Variants in KCTD2 observed in about 807,000 individuals in gnomAD.
KCTD2 encodes the protein potassium channel tetramerization domain containing 2.
Under a neutral mutation model 27.9 loss-of-function variants are expected in KCTD2, and 18 were observed. The observed-to-expected ratio is 0.64, with a 90% confidence interval of 0.45 to 0.96. KCTD2 has a LOEUF of 0.96. Among genes scored for constraint, KCTD2 ranks in the 40% least tolerant of loss-of-function variants. The pLI, the probability that KCTD2 is intolerant of heterozygous loss-of-function variation, is 0.00. For missense variants in KCTD2, 280 were observed against 348.0 expected (o/e 0.80, Z 1.56); for synonymous variants, 175 against 148.4 (o/e 1.18, Z -1.30).
chr17:75,052,985 A>T, intron 2 of KCTD2, 29 bp from the exon 3 acceptor site: 1 of 1,572,024 alleles, frequency 6.4e-7, no homozygotes, highest in Non-Finnish European at 8.8e-7. Flanking sequence ...CCTCGCACCT[A>T]TCTGACTGCA....
rs1278671044 is a variant in KCTD2 at position 75,032,946 on chromosome 17, T to C, written c.-470+222T>C. The stretch of plus-strand genomic sequence containing the variant: ...TGCTATTAAGGGGAGGAGACAGGTT[T>C]CTGCAGACTCTACATTTTGGAGAGA... On this transcript the variant is annotated intron_variant, in intron 1 of 7. Coordinates refer to the KCTD2 transcript ENST00000581589. This position sits in a 1 kb window ranked among gnomAD's most constrained non-coding sequence, Gnocchi z 4.8. 1 of 152,210 alleles carries C rather than the reference T, an allele frequency of 6.6e-6. No individual in the cohort carries two copies. Among genetic ancestry groups the C allele is most frequent in the Non-Finnish European group, 1.5e-5 (1 of 68,044 alleles). The allele number at this position is 152,210 out of a possible 1,614,324, so 9.4% of individuals were successfully genotyped here.
At chr17:75,043,935 C>A (rs1304761732), upstream of KCTD2, among the ~76,000 whole-genome samples, 1 of 152,026 alleles carries the variant, frequency 6.6e-6, no homozygotes, top group East Asian at 1.9e-4. Context: ...CTTAAAAGGG[C>A]TATCCCCTTC....
chr17:75,051,277 CTTTTTTTTTTTTTTTT>C (rs35794705), intron 2 of KCTD2, among the ~76,000 whole-genome samples: 4 of 64,584 alleles, frequency 6.2e-5, no homozygotes, highest in Admixed American at 4.2e-4. Context: ...CGCGCCCGAC[CTTTTTTTTTTTTTTTT>C]TTTTTTTTGG....
chr17:75,034,498 T>C (rs563486723), intron 2 of KCTD2, among the ~76,000 whole-genome samples: 6 of 152,308 alleles, frequency 3.9e-5, no homozygotes, highest in African/African-American at 1.4e-4. Context: ...ATTAGGCCAC[T>C]GGGGCGCGGT....
In KCTD2 at chr17:75,064,628, C is replaced by T. The variant is rs2073438684; in HGVS notation, c.*1581C>T. 1 of 152,094 alleles carries T rather than the reference C, an allele frequency of 6.6e-6. No individual in the cohort carries two copies. Among genetic ancestry groups the T allele is most frequent in the African/African-American group, 2.4e-5 (1 of 41,436 alleles). The allele number at this position is 152,094 out of a possible 1,614,324, so 9.4% of individuals were successfully genotyped here. ...TCTGTATCTGTAGCATAGCATAGAA[C>T]CCGGTATACAGGGGTTTCTGCTGAC... On this transcript the variant is annotated 3_prime_UTR_variant, in exon 6 of 6. Transcript: ENST00000322444.
At position 75,065,437 on chromosome 17, in the gene KCTD2, A is replaced by G. The variant is rs1388031740; in HGVS notation, c.*2390A>G. The G allele has an allele frequency of 2.0e-5, 3 of 152,130 alleles. No homozygotes were observed. The highest frequency in any genetic ancestry group is 7.2e-5 in the African/African-American group (3 of 41,388). 9.4% of individuals were successfully genotyped at this position (152,130 alleles called of 1,614,324 possible). ...GTTTGGGGCTGTCACGTGACCAGTG[A>G]CCCACACTCTCTGCTGCCCAGTACT... On this transcript the variant is annotated 3_prime_UTR_variant, in exon 6 of 6. Transcript: ENST00000322444.
intron 2 of KCTD2, among the ~76,000 whole-genome samples, chr17:75,052,448 C>T (rs2073297771): frequency 6.6e-6 from 1 of 151,970 alleles, no homozygotes; most frequent in African/African-American, 2.4e-5. Context: ...TGGCTGGGTG[C>T]GGTGGCTTTA....
upstream of KCTD2, among the ~76,000 whole-genome samples, chr17:75,044,610 G>A (rs1315845393): frequency 6.6e-6 from 1 of 152,082 alleles, no homozygotes; most frequent in East Asian, 1.9e-4. Context: ...GCAAAGTGCT[G>A]GAATTACAGG....
intron 4 of KCTD2, 26 bp from the exon 5 acceptor site, chr17:75,062,094 T>C (rs1277173350): frequency 2.5e-6 from 4 of 1,613,190 alleles, no homozygotes; most frequent in African/African-American, 1.3e-5. Context: ...GCCACATGAA[T>C]GTTCACTGTA....
upstream of KCTD2, chr17:75,042,761 T>C: frequency 8.2e-7 from 1 of 1,223,796 alleles, no homozygotes; most frequent in African/African-American, 1.5e-5. Flanking sequence ...GAGAATCCTT[T>C]AAATCTTAGA....
intron 3 of KCTD2, chr17:75,041,277 C>A (rs984981754): frequency 6.6e-6 from 1 of 151,124 alleles, no homozygotes; most frequent in Non-Finnish European, 1.5e-5. Context: ...AAGGCTTGAG[C>A]CCGGGAGAAA....
At chr17:75,059,480 C>A in intron 3 of KCTD2, 30 bp from the exon 4 acceptor site, 2 of 1,540,564 alleles carry the variant, frequency 1.3e-6, no homozygotes, top group Non-Finnish European at 8.9e-7. Context: ...GTCCTTGGTG[C>A]TGTTCTCAGT....
intron 2 of KCTD2, among the ~76,000 whole-genome samples, chr17:75,051,644 C>T (rs1442142182): frequency 1.3e-5 from 2 of 151,740 alleles, no homozygotes; most frequent in Non-Finnish European, 1.5e-5. Flanking sequence ...CTCCCTACCC[C>T]CATCCTCTTG....
chr17:75,037,212 C>T (rs1171896088), intron 3 of KCTD2, among the ~76,000 whole-genome samples: 2 of 151,928 alleles, frequency 1.3e-5, no homozygotes, highest in African/African-American at 4.8e-5. Context: ...GGCGTGGTGG[C>T]GGGCGCCTGT....
chr17:75,049,333 G>A lies in KCTD2; in HGVS notation c.448+5G>A. The A allele has an allele frequency of 6.5e-7, 1 of 1,546,688 alleles. No individual in the cohort carries two copies. The highest frequency in any genetic ancestry group is 8.9e-7 in the Non-Finnish European group (1 of 1,121,840). On this transcript the variant is annotated splice_donor_5th_base_variant and intron_variant, in intron 2 of 5. Transcript: ENST00000322444. Reference sequence around the variant, plus strand: ...CTAAGGAGTTGGCAGAAGAAGGTAAGCGCACTGTTTGCATTGGGGATTTTC... The same window carrying A: ...CTAAGGAGTTGGCAGAAGAAGGTAAACGCACTGTTTGCATTGGGGATTTTC...
chr17:75,061,838 G>A (rs760556467), intron 4 of KCTD2, among the ~76,000 whole-genome samples: 1 of 152,006 alleles, frequency 6.6e-6, no homozygotes, highest in African/African-American at 2.4e-5. Context: ...TCGACGGGGC[G>A]TGGGCATGTT....
In KCTD2 at chr17:75,032,767, A is replaced by G. The variant is rs1368626186; in HGVS notation, c.-470+43A>G. The G allele has an allele frequency of 6.6e-6, 1 of 152,280 alleles. No individual in the cohort carries two copies. The highest frequency in any genetic ancestry group is 1.5e-5 in the Non-Finnish European group (1 of 68,138). The allele number at this position is 152,280 out of a possible 1,614,324, so 9.4% of individuals were successfully genotyped here. On this transcript the variant is annotated intron_variant, in intron 1 of 7. Transcript: ENST00000581589. The surrounding 1 kb of genome is among the most constrained non-coding windows in gnomAD (Gnocchi z 4.8). ...GCGGGCGGGTTGGGGGAACATGCCT[A>G]GCTAGAGGGCGGCAGCAGGAAAGCA...
intron 3 of KCTD2, among the ~76,000 whole-genome samples, chr17:75,053,844 GCTT>G (rs2073318842): frequency 1.5e-5 from 2 of 134,316 alleles, no homozygotes; most frequent in Non-Finnish European, 3.1e-5. Flanking sequence ...TTCAGCAGCT[GCTT>G]GTGAACCATG....
chr17:75,055,654 A>T (rs1453011596), intron 3 of KCTD2, among the ~76,000 whole-genome samples: 2 of 151,868 alleles, frequency 1.3e-5, no homozygotes, highest in African/African-American at 4.8e-5. Flanking sequence ...ACTAACATGG[A>T]GAAACCCTGT....
Sources: allele counts gnomAD v4.1 joint callset (sites outside exome capture counted in the v4.1 genomes callset), GRCh38; gene constraint gnomAD v4.1.1; non-coding constraint Gnocchi (gnomAD v3.1); transcripts MANE v1.5; gene names NCBI Gene and HGNC (gene_info 2026-07-23, HGNC 2026-07-21).